The following FER1L6 variants were observed in gnomAD, a reference collection of about 807,000 sequenced individuals.
FER1L6 encodes fer-1 like family member 6, also known as fer-1-like protein 6.
In FER1L6, 177 loss-of-function variants were observed where a neutral mutation model predicts 219.2. That is an observed-to-expected ratio of 0.81 (90% CI 0.71 to 0.91). FER1L6 has a LOEUF of 0.91. Among genes scored for constraint, FER1L6 ranks in the 40% least tolerant of loss-of-function variants. FER1L6 has a pLI of 0.00. For synonymous variants in FER1L6, 768 were observed against 824.3 expected (o/e 0.93, Z 1.17); for missense variants, 2,153 against 2,259.9 (o/e 0.95, Z 0.96).
At chr8:123,972,299 G>A (rs1403693228) in intron 6 of FER1L6, among the ~76,000 whole-genome samples, 1 of 152,238 alleles carries the variant, frequency 6.6e-6, no homozygotes, top group Non-Finnish European at 1.5e-5. Flanking sequence ...TTTAGAAGCT[G>A]CAAAAGCCTT....
intron 37 of FER1L6, among the ~76,000 whole-genome samples, chr8:124,100,689 C>A (rs146585242): frequency 8.2e-4 from 125 of 152,276 alleles, no homozygotes; most frequent in African/African-American, 3.0e-3. Flanking sequence ...TCTACAGCAG[C>A]CCAATTTCAG....
chr8:123,980,502 G>GT lies in FER1L6; in HGVS notation c.1102dup (p.Tyr368LeufsTer12). Reference sequence around the variant, plus strand: ...CCTTTGGGCCTGCCTGGATTAACCTGTATGGCTCGCCCAGGAACCACAGTC... The same window carrying GT: ...CCTTTGGGCCTGCCTGGATTAACCTGTTATGGCTCGCCCAGGAACCACAGTC... On this transcript the variant is annotated frameshift_variant, in exon 11 of 41. Transcript: ENST00000522917. LOFTEE classifies it high-confidence loss of function. 1 of 1,614,110 alleles carries GT rather than the reference G, an allele frequency of 6.2e-7. No homozygotes were observed. The highest frequency in any genetic ancestry group is 8.5e-7 in the Non-Finnish European group (1 of 1,179,990).
chr8:124,094,400 T>A (rs1822185872), intron 34 of FER1L6, among the ~76,000 whole-genome samples: 1 of 152,136 alleles, frequency 6.6e-6, no homozygotes, highest in African/African-American at 2.4e-5. Flanking sequence ...TTTCCATCTC[T>A]TTCCCCTTCC....
chr8:124,023,569 C>T lies in FER1L6; in HGVS notation c.2259C>T (p.Cys753=), dbSNP rs559137171. ...TCGCGGGGCAGATGGGCAAACACTG[C>T]GGCAAGATCAAAACTCACTTCCTCA... is the stretch of plus-strand genomic sequence containing the variant. The part of the protein sequence containing the change: ...SPVAGQMGKH[C]GKIKTHFLKP... The change falls in exon 18 of 41, where the codon TGC becomes TGT. Residue 753 remains cysteine (C), a synonymous_variant. Coordinates refer to ENST00000522917, the MANE Select transcript of FER1L6 (RefSeq NM_001039112.2). The T allele has an allele frequency of 7.1e-5, 114 of 1,614,052 alleles. 1 individual carries two copies. The South Asian group carries it at 8.3e-4, about 12-fold the overall frequency.
At position 123,865,844 on chromosome 8, in the gene FER1L6, C is replaced by G. The variant is rs188179849; in HGVS notation, c.-8+13659C>G. On this transcript the variant is annotated intron_variant, in intron 1 of 40. Transcript: ENST00000522917. Reference sequence around the variant, plus strand: ...ATGCCTCGCCCTGCTTTGGCTCACGCACGGTGCGCGCACCCACTGGCCTGC... The same window carrying G: ...ATGCCTCGCCCTGCTTTGGCTCACGGACGGTGCGCGCACCCACTGGCCTGC... Among the ~76,000 whole-genome samples, 4 of 147,060 alleles carry G rather than the reference C, an allele frequency of 2.7e-5. No homozygotes were observed. The East Asian group carries it at 6.0e-4, about 22-fold the overall frequency.
chr8:123,981,811 T>C (rs1816338106), intron 11 of FER1L6, among the ~76,000 whole-genome samples: 1 of 152,160 alleles, frequency 6.6e-6, no homozygotes, highest in African/African-American at 2.4e-5. Flanking sequence ...AATGAAATAG[T>C]TAATAATTAC....
intron 16 of FER1L6, among the ~76,000 whole-genome samples, chr8:124,019,664 C>T (rs1292397582): frequency 6.6e-6 from 1 of 152,200 alleles, no homozygotes; most frequent in Non-Finnish European, 1.5e-5. Flanking sequence ...ATTTATTTAA[C>T]ACCTATGTGC....
chr8:123,878,906 A>G (rs1431707278), intron 1 of FER1L6, among the ~76,000 whole-genome samples: 2 of 152,206 alleles, frequency 1.3e-5, no homozygotes, highest in Admixed American at 1.3e-4. Context: ...TTCCAGCTCT[A>G]TTCCATGGCC....
At chr8:124,044,583 T>C (rs1207900191) in intron 20 of FER1L6, among the ~76,000 whole-genome samples, 1 of 152,174 alleles carries the variant, frequency 6.6e-6, no homozygotes, top group African/African-American at 2.4e-5. Flanking sequence ...GATTGAACAG[T>C]GACAGACAAA....
chr8:123,866,845 C>T (rs2130267780), intron 1 of FER1L6, among the ~76,000 whole-genome samples: 1 of 152,240 alleles, frequency 6.6e-6, no homozygotes, highest in African/African-American at 2.4e-5. Context: ...TCTCCAACTC[C>T]TGGCCTCTAG....
intron 1 of FER1L6, among the ~76,000 whole-genome samples, chr8:123,864,363 G>A (rs1364112565): frequency 1.3e-5 from 2 of 148,774 alleles, no homozygotes; most frequent in Non-Finnish European, 3.0e-5. Context: ...TAGTCTGATG[G>A]GCTTCCCTTT....
At chr8:123,929,507 T>G (rs917608677) in intron 1 of FER1L6, among the ~76,000 whole-genome samples, 5 of 152,194 alleles carry the variant, frequency 3.3e-5, no homozygotes, top group Non-Finnish European at 7.4e-5. Context: ...TGCTTACTGT[T>G]TCTTCCCTTT....
chr8:123,996,127 A>C (rs887685070), intron 12 of FER1L6, among the ~76,000 whole-genome samples: 1 of 152,158 alleles, frequency 6.6e-6, no homozygotes, highest in African/African-American at 2.4e-5. Context: ...TGTGTATTCT[A>C]TAGCCATTAG....
chr8:124,103,533 G>T (rs1027808239), intron 39 of FER1L6, among the ~76,000 whole-genome samples: 9 of 152,084 alleles, frequency 5.9e-5, no homozygotes, highest in African/African-American at 2.2e-4. Context: ...GAACTTATGC[G>T]CCTGGCATTA....
chr8:124,059,972 G>A (rs1301037544), intron 22 of FER1L6, among the ~76,000 whole-genome samples: 1 of 152,058 alleles, frequency 6.6e-6, no homozygotes, highest in Non-Finnish European at 1.5e-5. Context: ...TTAAGTGCTC[G>A]CTAAATGTTG....
chr8:123,877,718 G>A (rs1331422408), intron 1 of FER1L6, among the ~76,000 whole-genome samples: 1 of 149,596 alleles, frequency 6.7e-6, no homozygotes, highest in Non-Finnish European at 1.5e-5. Context: ...ACCGGAATAT[G>A]TATGTGAAAT....
intron 31 of FER1L6, 57 bp downstream of exon 31, chr8:124,071,688 C>T: frequency 4.5e-6 from 7 of 1,562,570 alleles, no homozygotes; most frequent in Non-Finnish European, 6.1e-6. Flanking sequence ...GCTGCCATAA[C>T]AAAATATATG....
At chr8:123,893,370 A>T (rs1202253945) in intron 1 of FER1L6, among the ~76,000 whole-genome samples, 2 of 152,232 alleles carry the variant, frequency 1.3e-5, no homozygotes, top group African/African-American at 4.8e-5. Context: ...GATTGCATGG[A>T]CTGAACTAAT....
chr8:123,906,178 T>C (rs1354229898), intron 1 of FER1L6, among the ~76,000 whole-genome samples: 1 of 152,222 alleles, frequency 6.6e-6, no homozygotes. Flanking sequence ...CTCTGCTCAT[T>C]TCTTTGCATA....
Sources: gnomAD v4.1 joint callset for allele counts (sites outside exome capture counted in the v4.1 genomes callset) on GRCh38, gnomAD v4.1.1 for gene constraint, MANE v1.5 for transcripts, NCBI Gene and HGNC (gene_info 2026-07-23, HGNC 2026-07-21) for gene names.